Variants in COX5A observed in about 807,000 individuals in gnomAD.
The protein encoded by COX5A is cytochrome c oxidase subunit 5A, mitochondrial.
COX5A carries 6 observed loss-of-function variants against 16.1 expected under a neutral mutation model. That is an observed-to-expected ratio of 0.37 (90% CI 0.20 to 0.73). The LOEUF (loss-of-function observed/expected upper bound fraction) is 0.73, where lower values mean the gene tolerates loss of function less well. Ranked by LOEUF, COX5A falls within the 30% of genes least tolerant of loss-of-function variation. COX5A has a pLI of 0.50. For synonymous variants in COX5A, 73 were observed against 73.8 expected (o/e 0.99, Z 0.06); for missense variants, 159 against 194.9 (o/e 0.82, Z 1.10).
intron 1 of COX5A, 52 bp from the exon 2 acceptor site, chr15:74,929,284 A>G: frequency 8.0e-7 from 1 of 1,245,776 alleles, no homozygotes; most frequent in African/African-American, 1.5e-5. Context: ...TACTTGATAT[A>G]TTTTGTTCAA....
intron 1 of COX5A, 42 bp from the exon 2 acceptor site, chr15:74,929,274 T>C: frequency 7.5e-7 from 1 of 1,339,320 alleles, no homozygotes; most frequent in Non-Finnish European, 1.1e-6. Context: ...ACACAAATAG[T>C]ACTTGATATA....
intron 4 of COX5A, among the ~76,000 whole-genome samples, chr15:74,922,308 C>T (rs1224604649): frequency 6.6e-6 from 1 of 151,722 alleles, no homozygotes; most frequent in Non-Finnish European, 1.5e-5. Flanking sequence ...TCGGCTTGAA[C>T]CCGGGAGGCG....
intron 1 of COX5A, among the ~76,000 whole-genome samples, chr15:74,930,634 A>C (rs2065362818): frequency 6.6e-6 from 1 of 150,424 alleles, no homozygotes; most frequent in Non-Finnish European, 1.5e-5. Context: ...CTTGGCTCCC[A>C]AAGTGCTGGG....
At chr15:74,921,225 G>A (rs930003739) in intron 4 of COX5A, among the ~76,000 whole-genome samples, 2 of 150,572 alleles carry the variant, frequency 1.3e-5, no homozygotes, top group African/African-American at 2.4e-5. Context: ...TGGCTAACAC[G>A]GTGAAACCCC....
At chr15:74,928,922 T>A (rs1458851988) in intron 2 of COX5A, among the ~76,000 whole-genome samples, 194 bp downstream of exon 2, 1 of 152,198 alleles carries the variant, frequency 6.6e-6, no homozygotes, top group Non-Finnish European at 1.5e-5. Flanking sequence ...CAAAGAATTA[T>A]CTGGCCCAAA....
chr15:74,927,440 G>A (rs1484547506), intron 2 of COX5A, among the ~76,000 whole-genome samples: 1 of 152,052 alleles, frequency 6.6e-6, no homozygotes, highest in Non-Finnish European at 1.5e-5. Context: ...CTCCCAAAGT[G>A]CTGGGATTAC....
chr15:74,923,727 T>C lies in COX5A; in HGVS notation c.383A>G (p.Gln128Arg). 6.2e-7 allele frequency: 1 copy of C among 1,611,812 alleles called. No individual in the cohort carries two copies. The change falls in exon 4 of 5, where the codon CAG (glutamine) becomes CGG (arginine). Residue 128 changes from glutamine (Q) to arginine (R), a missense_variant. Coordinates refer to ENST00000322347, the MANE Select transcript of COX5A (RefSeq NM_004255.4). ...PHKEIYPYVIQELRPTLNELG... is the reference protein window; with the variant it reads ...PHKEIYPYVIRELRPTLNELG... ...TTCATTTAAAGTTGGTCTAAGTTCC[T>C]GGATGACATAGGGGTAGATTTCCTT...
chr15:74,930,416 C>CA (rs71140116), intron 1 of COX5A, among the ~76,000 whole-genome samples: 23,789 of 109,618 alleles, frequency 0.22, 3,085 homozygotes, highest in East Asian at 0.63. Flanking sequence ...GACTCCGCCT[C>CA]AAAAAAAAAA....
rs767844945 is a variant in COX5A, at chr15:74,929,150, G to A, written c.183C>T (p.Asn61=). 7 of 1,613,870 alleles carry A rather than the reference G, an allele frequency of 4.3e-6. No homozygotes were observed. Among genetic ancestry groups the A allele is most frequent in the Non-Finnish European group, 5.9e-6 (7 of 1,179,754 alleles). Residue 61 remains asparagine (N), a synonymous_variant, in exon 2 of 5, where the codon AAC becomes AAT. Coordinates refer to ENST00000322347, the MANE Select transcript of COX5A (RefSeq NM_004255.4). ...ATTCCCAGGCATCTATATCTGGCTT[G>A]TTGAAGTATGTTACCCAGCGAGCAT... ...EFDARWVTYF[N]KPDIDAWELR...
At chr15:74,923,872 G>A (rs1333899055) in intron 3 of COX5A, 102 bp from the exon 4 acceptor site, 14 of 729,558 alleles carry the variant, frequency 1.9e-5, no homozygotes, top group Non-Finnish European at 3.3e-5. Context: ...TGCAGAGGCA[G>A]GTAGGACAGA....
At chr15:74,927,115 G>T (rs1217864897) in intron 2 of COX5A, among the ~76,000 whole-genome samples, 2 of 151,940 alleles carry the variant, frequency 1.3e-5, no homozygotes, top group African/African-American at 4.8e-5. Context: ...ACAGCACGCA[G>T]ATTGAAGGAA....
chr15:74,923,452 A>C (rs2065330624), intron 4 of COX5A, 196 bp downstream of exon 4: 1 of 494,296 alleles, frequency 2.0e-6, no homozygotes, highest in Non-Finnish European at 3.6e-6. Flanking sequence ...AAGGAAAGAA[A>C]GAAAATAATG....
chr15:74,932,858 G>A (rs2065373235), intron 1 of COX5A, among the ~76,000 whole-genome samples: 1 of 151,864 alleles, frequency 6.6e-6, no homozygotes, highest in Non-Finnish European at 1.5e-5. Flanking sequence ...CACCATGTCA[G>A]GCTAATTTTT....
intron 2 of COX5A, among the ~76,000 whole-genome samples, chr15:74,928,453 C>T (rs1419375592): frequency 2.6e-5 from 4 of 151,896 alleles, no homozygotes; most frequent in East Asian, 1.9e-4. Flanking sequence ...GGCGCGATCT[C>T]GGCTCACTGC....
intron 1 of COX5A, among the ~76,000 whole-genome samples, chr15:74,937,339 G>A (rs1444224663): frequency 6.6e-6 from 1 of 152,134 alleles, no homozygotes; most frequent in Non-Finnish European, 1.5e-5. Flanking sequence ...CGGAGATCAG[G>A]AAACAACCAC....
At chr15:74,927,605 T>G (rs942861588) in intron 2 of COX5A, among the ~76,000 whole-genome samples, 14 of 151,972 alleles carry the variant, frequency 9.2e-5, no homozygotes, top group Admixed American at 9.2e-4. Flanking sequence ...AAACCCTGTC[T>G]CTATTAAAGA....
At chr15:74,935,599 C>CAA (rs1301595215) in intron 1 of COX5A, among the ~76,000 whole-genome samples, 36 of 146,248 alleles carry the variant, frequency 2.5e-4, no homozygotes, top group African/African-American at 7.7e-4. Context: ...AGACTATCAC[C>CAA]AAAAAAAAAA....
At chr15:74,931,015 TCAAAAAAAAAAAAA>T (rs1755828352) in intron 1 of COX5A, among the ~76,000 whole-genome samples, 2 of 24,530 alleles carry the variant, frequency 8.2e-5, no homozygotes, top group African/African-American at 4.3e-4. Flanking sequence ...AGACTCTGTC[TCAAAAAAAAAAAAA>T]AAAAAAAAAA....
At position 74,926,866 on chromosome 15, in the gene COX5A, T is replaced by C. The variant is rs2065346824; in HGVS notation, c.239A>G (p.Tyr80Cys). 1.2e-6 allele frequency: 2 copies of C among 1,613,794 alleles called. No individual in the cohort carries two copies. The highest frequency in any genetic ancestry group is 1.3e-5 in the African/African-American group (1 of 75,056). ...LRKGINTLVT[Y>C]DMVPEPKIID... ...GATTTTGGGCTCTGGAACCATATCA[T>C]AGGTAACAAGTGTGTTTATCCCTGC... Residue 80 changes from tyrosine to cysteine, a missense_variant, in exon 3 of 5, where the codon TAT becomes TGT. Physicochemically the swap from Tyr to Cys is radical, Grantham distance 194 (BLOSUM62 -2). Transcript: ENST00000322347.
Sources: allele counts gnomAD v4.1 joint callset (sites outside exome capture counted in the v4.1 genomes callset), GRCh38; gene constraint gnomAD v4.1.1; transcripts MANE v1.5; gene names NCBI Gene and HGNC (gene_info 2026-07-23, HGNC 2026-07-21).